Variants in ASAP1 observed in about 807,000 individuals in gnomAD.
The protein encoded by ASAP1 is arf-GAP with SH3 domain, ANK repeat and PH domain-containing protein 1.
In ASAP1, 43 loss-of-function variants were observed where a neutral mutation model predicts 145.2. The observed-to-expected ratio is 0.30, with a 90% CI of 0.23 to 0.38. The LOEUF (loss-of-function observed/expected upper bound fraction) is 0.38. Among genes scored for constraint, ASAP1 ranks in the 10% least tolerant of loss-of-function variants. The probability of loss-of-function intolerance (pLI) is 1.00; values close to 1 mark genes in which losing one functional copy is unlikely to be tolerated. For synonymous variants in ASAP1, 546 were observed against 515.5 expected (o/e 1.06, Z -0.80); for missense variants, 1,018 against 1,355.3 (o/e 0.75, Z 3.91).
At chr8:130,405,853 A>T (rs967437034) in intron 1 of ASAP1, among the ~76,000 whole-genome samples, 1 of 152,248 alleles carries the variant, frequency 6.6e-6, no homozygotes, top group Non-Finnish European at 1.5e-5. Flanking sequence ...CTTTCTAGTC[A>T]AGAAAGTAAT....
intron 3 of ASAP1, among the ~76,000 whole-genome samples, chr8:130,319,622 T>C (rs1823878870): frequency 6.6e-6 from 1 of 152,178 alleles, no homozygotes. Flanking sequence ...AACTGGGCAA[T>C]GTTCAAAAGC....
chr8:130,356,708 G>A (rs1826331824), intron 3 of ASAP1, among the ~76,000 whole-genome samples: 1 of 152,136 alleles, frequency 6.6e-6, no homozygotes, highest in African/African-American at 2.4e-5. Flanking sequence ...GCACCAAGCA[G>A]GCCAGATGGG....
At chr8:130,131,603 G>GAAAAAAA (rs1159191172) in intron 15 of ASAP1, among the ~76,000 whole-genome samples, 17 of 63,090 alleles carry the variant, frequency 2.7e-4, no homozygotes, top group African/African-American at 8.1e-4. Context: ...CATGGCTACT[G>GAAAAAAA]AAAAAAAAAA....
At chr8:130,326,266 C>G (rs1235336742) in intron 3 of ASAP1, among the ~76,000 whole-genome samples, 1 of 152,208 alleles carries the variant, frequency 6.6e-6, no homozygotes. Context: ...TACAAAAGAA[C>G]AGGAGTTTGC....
chr8:130,195,963 T>G (rs1411559307), intron 5 of ASAP1, among the ~76,000 whole-genome samples: 2 of 152,244 alleles, frequency 1.3e-5, no homozygotes, highest in African/African-American at 4.8e-5. Context: ...TTTATCATCT[T>G]TCTTCACTAG....
chr8:130,059,168 A>T (rs1252311710), intron 28 of ASAP1, among the ~76,000 whole-genome samples: 2 of 145,070 alleles, frequency 1.4e-5, no homozygotes, highest in East Asian at 2.0e-4. Flanking sequence ...CAACATTTAA[A>T]TTTTTTTTTT....
At position 130,371,370 on chromosome 8, in the gene ASAP1, G is replaced by T. The variant is rs373002977; in HGVS notation, c.60-13227C>A. 9.2e-5 allele frequency among the ~76,000 whole-genome samples: 14 copies of T among 152,296 alleles called. No homozygotes were observed. The East Asian group carries it at 1.5e-3, about 17-fold the overall frequency. On this transcript the variant is annotated intron_variant, in intron 2 of 29. Transcript: ENST00000518721. ...ACTAAACCGCACTCTCTGTACAAAT[G>T]GTACTCTGCTGATGTGGCAGGACTA...
At chr8:130,332,500 C>T (rs939983642) in intron 3 of ASAP1, among the ~76,000 whole-genome samples, 1 of 152,178 alleles carries the variant, frequency 6.6e-6, no homozygotes, top group African/African-American at 2.4e-5. Context: ...CAAAGAACAT[C>T]TAATTTTACT....
At chr8:130,150,871 C>A (rs554553545) in intron 13 of ASAP1, among the ~76,000 whole-genome samples, 8 of 152,036 alleles carry the variant, frequency 5.3e-5, no homozygotes, top group Non-Finnish European at 8.8e-5. Context: ...CAGAGCCAGA[C>A]CCTGTCTCAA....
At chr8:130,312,851 T>C (rs952844136) in intron 3 of ASAP1, among the ~76,000 whole-genome samples, 2 of 152,206 alleles carry the variant, frequency 1.3e-5, no homozygotes, top group Non-Finnish European at 2.9e-5. Context: ...GATTTGGTTT[T>C]GCCAATGTGA....
At chr8:130,341,001 T>G in intron 3 of ASAP1, 1 of 428,298 alleles carries the variant, frequency 2.3e-6, no homozygotes, top group Non-Finnish European at 4.6e-6. Flanking sequence ...GGGGCAGTGG[T>G]GGAGGGGTGG....
chr8:130,345,178 A>G (rs1196817297), intron 3 of ASAP1, among the ~76,000 whole-genome samples: 1 of 152,224 alleles, frequency 6.6e-6, no homozygotes, highest in East Asian at 1.9e-4. Flanking sequence ...ATTATAACAG[A>G]GCGCAGAAAT....
At chr8:130,223,827 A>T (rs72722388) in intron 4 of ASAP1, among the ~76,000 whole-genome samples, 5,289 of 151,986 alleles carry the variant, frequency 0.035, 126 homozygotes, top group Middle Eastern at 0.065. Flanking sequence ...CTTCTGTGTC[A>T]AGAGTCCAGA....
intron 15 of ASAP1, among the ~76,000 whole-genome samples, chr8:130,129,052 TAGTG>T (rs1408670806): frequency 1.1e-4 from 17 of 152,274 alleles, no homozygotes; most frequent in South Asian, 2.1e-4. Flanking sequence ...GTTCTCATGA[TAGTG>T]AGTGAGTTGA....
chr8:130,180,960 C>G, intron 7 of ASAP1, 80 bp from the exon 8 acceptor site: 1 of 1,337,386 alleles, frequency 7.5e-7, no homozygotes, highest in Non-Finnish European at 1.0e-6. Flanking sequence ...CTAATACAAA[C>G]TATGGATTTG....
intron 27 of ASAP1, among the ~76,000 whole-genome samples, chr8:130,064,244 T>C (rs1235050105): frequency 2.0e-5 from 3 of 152,136 alleles, no homozygotes; most frequent in African/African-American, 4.8e-5. Context: ...CAAGAGATGA[T>C]GCTCATTTGA....
intron 15 of ASAP1, among the ~76,000 whole-genome samples, chr8:130,128,781 T>C (rs1366229645): frequency 6.6e-6 from 1 of 152,188 alleles, no homozygotes; most frequent in Non-Finnish European, 1.5e-5. Flanking sequence ...TAACTAGGCC[T>C]GAAATAACCA....
intron 27 of ASAP1, among the ~76,000 whole-genome samples, chr8:130,070,065 C>T (rs1442470243): frequency 6.6e-6 from 1 of 152,036 alleles, no homozygotes; most frequent in Non-Finnish European, 1.5e-5. Context: ...GAGACGGAGT[C>T]TCACTCTGTC....
chr8:130,278,451 A>G (rs1388463691), intron 3 of ASAP1, among the ~76,000 whole-genome samples: 2 of 152,244 alleles, frequency 1.3e-5, no homozygotes, highest in Non-Finnish European at 2.9e-5. Context: ...CAACAGCGTC[A>G]GGGTGGAAAC....
Sources: allele counts gnomAD v4.1 joint callset (sites outside exome capture counted in the v4.1 genomes callset), GRCh38; gene constraint gnomAD v4.1.1; transcripts MANE v1.5; gene names NCBI Gene and HGNC (gene_info 2026-07-23, HGNC 2026-07-21).